The following AGBL1 variants were observed in gnomAD, a reference collection of about 807,000 sequenced individuals.
AGBL1 encodes cytosolic carboxypeptidase 4.
A neutral mutation model predicts 118.9 loss-of-function variants in AGBL1; 130 were observed. The observed-to-expected ratio is 1.09, with a 90% CI of 0.95 to 1.26. The LOEUF (loss-of-function observed/expected upper bound fraction) is 1.26. Among genes scored for constraint, AGBL1 ranks in the 50% most tolerant of loss-of-function variants. The pLI is 0.00. For synonymous variants in AGBL1, 555 were observed against 478.9 expected (o/e 1.16, Z -2.08); for missense variants, 1,584 against 1,298.1 (o/e 1.22, Z -3.38).
intron 5 of AGBL1, among the ~76,000 whole-genome samples, chr15:86,208,805 G>A (rs980890457): frequency 2.0e-5 from 3 of 152,040 alleles, no homozygotes; most frequent in African/African-American, 7.2e-5. Flanking sequence ...AGGGTTTTTT[G>A]TGTCTCTATC....
chr15:86,589,987 C>T (rs958553958), intron 21 of AGBL1, among the ~76,000 whole-genome samples: 2 of 152,092 alleles, frequency 1.3e-5, no homozygotes, highest in Admixed American at 6.6e-5. Flanking sequence ...CTTTTGCCCT[C>T]AGAGGGTTTG....
rs200586208 is a variant in AGBL1, at chr15:86,109,579, CAATT to C, written c.51+29559_51+29562del. Among the ~76,000 whole-genome samples the C allele has an allele frequency of 8.3e-4, 126 of 152,230 alleles. 2 individuals are homozygous for C. In the East Asian group the frequency reaches 0.022, roughly 27 times the overall value. ...ATCAAAATTTGTTTTTTACTACTGA[CAATT>C]AAAGAAAAATTTCTTTCAGCTCCAC... On this transcript the variant is annotated intron_variant, in intron 1 of 22. Coordinates refer to ENST00000614907, the MANE Select transcript of AGBL1 (RefSeq NM_001386094.1).
intron 23 of AGBL1, among the ~76,000 whole-genome samples, chr15:86,936,476 G>A (rs1596650907): frequency 6.6e-6 from 1 of 152,234 alleles, no homozygotes; most frequent in East Asian, 1.9e-4. Context: ...GGGAATGTTA[G>A]CAGGACATTC....
chr15:86,622,754 C>T (rs2084831567), intron 21 of AGBL1, among the ~76,000 whole-genome samples: 1 of 152,118 alleles, frequency 6.6e-6, no homozygotes, highest in Non-Finnish European at 1.5e-5. Context: ...GTGGGGCATA[C>T]TTTCAGGATG....
intron 17 of AGBL1, among the ~76,000 whole-genome samples, chr15:86,373,182 A>G (rs2080993644): frequency 2.6e-5 from 4 of 152,130 alleles, no homozygotes; most frequent in Admixed American, 2.6e-4. Flanking sequence ...TAATCAACAT[A>G]TCCTTAGGAA....
intron 22 of AGBL1, among the ~76,000 whole-genome samples, chr15:86,717,723 T>C (rs563716157): frequency 7.0e-4 from 107 of 152,168 alleles, no homozygotes; most frequent in African/African-American, 2.6e-3. Flanking sequence ...CATTGATACC[T>C]CCCAGAAAAA....
At chr15:87,020,328 A>G (rs2262691) in intron 24 of AGBL1, among the ~76,000 whole-genome samples, 13,997 of 152,144 alleles carry the variant, frequency 0.092, 720 homozygotes, top group Admixed American at 0.15. Context: ...CTCTCAATAA[A>G]CTAGGAACTG....
intron 22 of AGBL1, among the ~76,000 whole-genome samples, chr15:86,871,059 G>A (rs1028768168): frequency 2.0e-5 from 3 of 152,166 alleles, no homozygotes; most frequent in Admixed American, 1.3e-4. Flanking sequence ...ATGCCTTCCT[G>A]TTGGAAACAT....
chr15:86,527,116 C>G (rs767107547), intron 19 of AGBL1, among the ~76,000 whole-genome samples: 10 of 152,202 alleles, frequency 6.6e-5, no homozygotes, highest in Non-Finnish European at 1.3e-4. Context: ...CCTCTGGAAG[C>G]AAGCACATGG....
intron 22 of AGBL1, among the ~76,000 whole-genome samples, chr15:86,821,656 C>T (rs931532484): frequency 5.9e-5 from 9 of 152,030 alleles, no homozygotes; most frequent in African/African-American, 1.9e-4. Context: ...GTAAACATGC[C>T]AATAATGTCA....
Position 86,973,694 on chromosome 15 carries a change from C to T in AGBL1, c.3222-14293C>T, listed in dbSNP as rs2081134245. Among the ~76,000 whole-genome samples, 3 of 151,668 alleles carry T rather than the reference C, an allele frequency of 2.0e-5. No individual in the cohort carries two copies. In the South Asian group the frequency reaches 6.2e-4, roughly 31 times the overall value. On this transcript the variant is annotated intron_variant, in intron 23 of 24. Transcript: ENST00000441037. ...GGCAGAAAGAGAAAGGATCTTTGTGCTTAATAAAAAGTGGTATGCTGTGGT... is the reference window on the plus strand; with the variant it reads ...GGCAGAAAGAGAAAGGATCTTTGTGTTTAATAAAAAGTGGTATGCTGTGGT...
rs368093602 is a variant in AGBL1 at position 86,971,122 on chromosome 15, G to C, written c.3222-16865G>C. ...ATATTGAGGGACAACTCGAATTCAGGACAGTTCAAACCAAATTAGAAGATC... is the reference window on the plus strand; with the variant it reads ...ATATTGAGGGACAACTCGAATTCAGCACAGTTCAAACCAAATTAGAAGATC... On this transcript the variant is annotated intron_variant, in intron 23 of 24. Coordinates refer to the AGBL1 transcript ENST00000441037. Among the ~76,000 whole-genome samples, 10 of 152,092 alleles carry C rather than the reference G, an allele frequency of 6.6e-5. No homozygotes were observed. The East Asian group carries it at 7.8e-4, about 12-fold the overall frequency.
rs537138332 is a variant in AGBL1 at position 86,120,928 on chromosome 15, G to A, written c.52-21076G>A. On this transcript the variant is annotated intron_variant, in intron 1 of 22. Transcript: ENST00000614907. ...TTTTTTTTTTTTAAGATGGAGTCCC[G>A]CTCTGTTGCCTAGGCTGGAGTGCAG... Among the ~76,000 whole-genome samples the A allele has an allele frequency of 5.3e-4, 79 of 149,438 alleles. 1 individual carries two copies. Among genetic ancestry groups the A allele is most frequent in the Middle Eastern group, 3.5e-3 (1 of 286 alleles).
At chr15:86,342,539 A>G (rs1231007798) in intron 17 of AGBL1, among the ~76,000 whole-genome samples, 1 of 152,212 alleles carries the variant, frequency 6.6e-6, no homozygotes, top group African/African-American at 2.4e-5. Context: ...TCTCATGTGG[A>G]TGCCTGCTGT....
chr15:86,198,642 C>T (rs1019244298), intron 5 of AGBL1, among the ~76,000 whole-genome samples: 1 of 151,958 alleles, frequency 6.6e-6, no homozygotes, highest in African/African-American at 2.4e-5. Context: ...GACTGATGGC[C>T]TCATGAGAAG....
chr15:86,381,591 A>G (rs1205862808), intron 17 of AGBL1, among the ~76,000 whole-genome samples: 1 of 152,160 alleles, frequency 6.6e-6, no homozygotes, highest in Non-Finnish European at 1.5e-5. Flanking sequence ...GACCCATGCT[A>G]TGGTAGAAAT....
chr15:86,487,321 A>G (rs1357603514), intron 18 of AGBL1, among the ~76,000 whole-genome samples: 2 of 152,082 alleles, frequency 1.3e-5, no homozygotes, highest in African/African-American at 4.8e-5. Context: ...GGGCAGCTGC[A>G]CCCCAGCCCA....
chr15:86,725,512 G>T (rs2086806121), intron 22 of AGBL1, among the ~76,000 whole-genome samples: 1 of 152,206 alleles, frequency 6.6e-6, no homozygotes, highest in Non-Finnish European at 1.5e-5. Flanking sequence ...AAAAGTTGTG[G>T]CTGCCTCTTT....
At chr15:86,737,099 A>G (rs2077613181) in intron 22 of AGBL1, among the ~76,000 whole-genome samples, 1 of 152,222 alleles carries the variant, frequency 6.6e-6, no homozygotes, top group African/African-American at 2.4e-5. Context: ...CTTGTCTTCA[A>G]ATTGCTGATA....
Sources: gnomAD v4.1 joint callset for allele counts (sites outside exome capture counted in the v4.1 genomes callset) on GRCh38, gnomAD v4.1.1 for gene constraint, MANE v1.5 for transcripts, NCBI Gene and HGNC (gene_info 2026-07-23, HGNC 2026-07-21) for gene names.